Variants in CAST observed in about 807,000 individuals in gnomAD.
CAST encodes the protein calpastatin.
Under a neutral mutation model 119.6 loss-of-function variants are expected in CAST, and 76 were observed. The observed-to-expected ratio is 0.64, with a 90% CI of 0.53 to 0.77. The LOEUF (loss-of-function observed/expected upper bound fraction) is 0.77, where lower values mean the gene tolerates loss of function less well. Among genes scored for constraint, CAST ranks in the 30% least tolerant of loss-of-function variants. CAST has a pLI of 0.00. For synonymous variants in CAST, 319 were observed against 331.6 expected, an observed-to-expected ratio of 0.96 and a Z score of 0.41; for missense variants, 953 against 946.5, an observed-to-expected ratio of 1.01 and a Z score of -0.09.
the CAST span, among the ~76,000 whole-genome samples, chr5:96,170,590 G>A: frequency 3.2e-4 from 48 of 152,152 alleles, no homozygotes; most frequent in African/African-American, 2.2e-4. Context: ...TGTCGGGAGC[G>A]GATTGGGTAA....
the CAST span, chr5:96,415,893 T>G: frequency 2.9e-6 from 2 of 679,862 alleles, no homozygotes; most frequent in Non-Finnish European, 5.4e-6. Flanking sequence ...CAAATCATAT[T>G]CAAGTCCTGT....
At chr5:96,284,915 A>T in the CAST span, among the ~76,000 whole-genome samples, 10 of 152,352 alleles carry the variant, frequency 6.6e-5, no homozygotes, top group African/African-American at 2.2e-4. Context: ...ATCTTTCACT[A>T]CCCATAGTTT....
the CAST span, among the ~76,000 whole-genome samples, chr5:95,993,791 A>G: frequency 6.6e-6 from 1 of 152,126 alleles, no homozygotes; most frequent in Non-Finnish European, 1.5e-5. Context: ...TAATAAGAAA[A>G]CAACTTTGGG....
the CAST span, among the ~76,000 whole-genome samples, chr5:96,352,997 A>T: frequency 6.6e-6 from 1 of 152,064 alleles, no homozygotes; most frequent in Non-Finnish European, 1.5e-5. Flanking sequence ...CTTATAAATT[A>T]CCCAGTCTCA....
intron 25 of CAST, 166 bp downstream of exon 25, chr5:96,762,538 G>C (rs111541812): frequency 5.8e-6 from 3 of 514,150 alleles, no homozygotes; most frequent in African/African-American, 3.9e-5. Context: ...AGATGGCAGA[G>C]ATTAACTTTG....
At chr5:96,090,427 A>G in the CAST span, among the ~76,000 whole-genome samples, 1 of 151,584 alleles carries the variant, frequency 6.6e-6, no homozygotes, top group African/African-American at 2.4e-5. Flanking sequence ...CTGAGCTGGC[A>G]GCATCCTCCC....
chr5:95,976,221 C>A, the CAST span, among the ~76,000 whole-genome samples: 2 of 151,374 alleles, frequency 1.3e-5, no homozygotes, highest in South Asian at 4.2e-4. Flanking sequence ...CTGCCCACAT[C>A]AACCACTTAA....
At chr5:96,755,316 G>A (rs2150608038) in intron 22 of CAST, 1 of 152,162 alleles carries the variant, frequency 6.6e-6, no homozygotes, top group East Asian at 1.9e-4. Flanking sequence ...TCCAGCCAGG[G>A]TGACAGAGCG....
chr5:96,533,214 G>C (rs1745722998), intron 1 of CAST, among the ~76,000 whole-genome samples: 1 of 151,968 alleles, frequency 6.6e-6, no homozygotes, highest in Non-Finnish European at 1.5e-5. Context: ...TATATGCAAG[G>C]ACTCAGAAAA....
chr5:96,182,833 C>T, the CAST span, among the ~76,000 whole-genome samples: 1 of 152,086 alleles, frequency 6.6e-6, no homozygotes, highest in East Asian at 1.9e-4. Flanking sequence ...ATAATACAGT[C>T]TACTTTAATA....
chr5:96,709,981 A>G (rs1755772666), intron 3 of CAST, among the ~76,000 whole-genome samples: 1 of 152,188 alleles, frequency 6.6e-6, no homozygotes, highest in Non-Finnish European at 1.5e-5. Context: ...GGTGCAAGAA[A>G]GGACGCGGGC....
At chr5:96,466,260 T>C in the CAST span, among the ~76,000 whole-genome samples, 1 of 152,112 alleles carries the variant, frequency 6.6e-6, no homozygotes, top group Non-Finnish European at 1.5e-5. Context: ...TTGACTGGGA[T>C]TATATTGTTG....
chr5:96,364,151 G>A, the CAST span, among the ~76,000 whole-genome samples: 2 of 152,182 alleles, frequency 1.3e-5, no homozygotes, highest in Non-Finnish European at 2.9e-5. Context: ...ATTTTCGTAT[G>A]TTGAAGCAGA....
At chr5:96,348,501 A>G in the CAST span, among the ~76,000 whole-genome samples, 9 of 152,116 alleles carry the variant, frequency 5.9e-5, no homozygotes, top group African/African-American at 1.9e-4. Context: ...TTTGATGGTA[A>G]GGGACAATCT....
At chr5:96,674,092 T>C (rs1750428582) in intron 1 of CAST, among the ~76,000 whole-genome samples, 1 of 152,236 alleles carries the variant, frequency 6.6e-6, no homozygotes, top group Non-Finnish European at 1.5e-5. Flanking sequence ...TCTGTTGATA[T>C]GATTAAAGAA....
upstream of CAST, among the ~76,000 whole-genome samples, chr5:96,523,275 C>T (rs139378994): frequency 6.6e-6 from 1 of 152,246 alleles, no homozygotes; most frequent in Non-Finnish European, 1.5e-5. Context: ...ACACTCTCTC[C>T]TCTTGCTCCC....
chr5:96,508,437 G>A, the CAST span, among the ~76,000 whole-genome samples: 3 of 152,142 alleles, frequency 2.0e-5, no homozygotes, highest in Non-Finnish European at 4.4e-5. Context: ...TATAATAGGA[G>A]TAGATTGCAG....
At chr5:95,977,385 C>T in the CAST span, among the ~76,000 whole-genome samples, 1 of 152,236 alleles carries the variant, frequency 6.6e-6, no homozygotes, top group Non-Finnish European at 1.5e-5. Flanking sequence ...ACTTAATCAC[C>T]TTCTAAAGGC....
intron 22 of CAST, 62 bp downstream of exon 22, chr5:96,754,803 A>T (rs1468156479): frequency 1.1e-6 from 1 of 949,484 alleles, no homozygotes; most frequent in Admixed American, 1.9e-5. Flanking sequence ...TACACAGAAC[A>T]AAGGTACTTG....
Sources: allele counts gnomAD v4.1 joint callset (sites outside exome capture counted in the v4.1 genomes callset), GRCh38; gene constraint gnomAD v4.1.1; transcripts MANE v1.5; gene names NCBI Gene and HGNC (gene_info 2026-07-23, HGNC 2026-07-21).